The following GALNTL6 variants were observed in gnomAD, a reference collection of about 807,000 sequenced individuals.
GALNTL6 encodes the protein polypeptide N-acetylgalactosaminyltransferase-like 6.
Under a neutral mutation model 73.7 loss-of-function variants are expected in GALNTL6, and 46 were observed. The ratio of observed to expected loss-of-function variants is 0.62; its 90% CI spans 0.49 to 0.80. GALNTL6 has a LOEUF of 0.80. Among genes scored for constraint, GALNTL6 ranks in the 30% least tolerant of loss-of-function variants. The pLI is 0.00. For synonymous variants in GALNTL6, 259 were observed against 263.7 expected (o/e 0.98, Z 0.17); for missense variants, 604 against 755.0 (o/e 0.80, Z 2.34).
chr4:171,887,441 G>C (rs115053526), intron 2 of GALNTL6, among the ~76,000 whole-genome samples: 1,562 of 152,308 alleles, frequency 0.01, 31 homozygotes, highest in African/African-American at 0.035. Context: ...GCAGAGAGAA[G>C]TATAGAATAA....
At chr4:172,349,198 C>G (rs1191901684) in intron 5 of GALNTL6, among the ~76,000 whole-genome samples, 1 of 152,026 alleles carries the variant, frequency 6.6e-6, no homozygotes, top group Non-Finnish European at 1.5e-5. Context: ...TGAACAATAA[C>G]AGAAACAATC....
intron 10 of GALNTL6, among the ~76,000 whole-genome samples, chr4:172,990,566 G>GT (rs201454358): frequency 7.9e-4 from 115 of 146,016 alleles, no homozygotes; most frequent in Middle Eastern, 3.6e-3. Context: ...AGTCCTGAAA[G>GT]TTTTTTTTTT....
intron 2 of GALNTL6, among the ~76,000 whole-genome samples, chr4:171,910,771 T>C (rs900888640): frequency 6.6e-6 from 1 of 152,180 alleles, no homozygotes. Context: ...AACATTTAGA[T>C]AATATAATCA....
chr4:172,557,780 T>C (rs946701772), intron 5 of GALNTL6, among the ~76,000 whole-genome samples: 4 of 152,196 alleles, frequency 2.6e-5, no homozygotes, highest in African/African-American at 9.6e-5. Flanking sequence ...GGCAATTTCA[T>C]ACATTGCTGA....
intron 5 of GALNTL6, chr4:172,668,791 C>T (rs965898530): frequency 2.6e-5 from 4 of 152,100 alleles, no homozygotes; most frequent in African/African-American, 9.7e-5. Context: ...TCAAAGGGTT[C>T]ATCACATGGT....
intron 5 of GALNTL6, among the ~76,000 whole-genome samples, chr4:172,700,879 G>C (rs1733987992): frequency 6.6e-6 from 1 of 152,114 alleles, no homozygotes; most frequent in South Asian, 2.1e-4. Flanking sequence ...TCTATGGAAA[G>C]AGGAGGGCCA....
intron 2 of GALNTL6, among the ~76,000 whole-genome samples, chr4:172,103,720 T>C (rs751557864): frequency 1.8e-4 from 28 of 152,142 alleles, no homozygotes; most frequent in Admixed American, 6.5e-4. Flanking sequence ...AAAGAGGATA[T>C]CTGTGCTAGA....
chr4:172,452,658 G>A (rs948676606), intron 5 of GALNTL6, among the ~76,000 whole-genome samples: 39 of 152,218 alleles, frequency 2.6e-4, no homozygotes, highest in African/African-American at 9.1e-4. Context: ...AACTGAAATT[G>A]TGTCTTAAAT....
At chr4:172,677,137 T>TA (rs954516737) in intron 5 of GALNTL6, among the ~76,000 whole-genome samples, 17 of 151,206 alleles carry the variant, frequency 1.1e-4, no homozygotes, top group Middle Eastern at 3.2e-3. Flanking sequence ...CAGAAATAAC[T>TA]AAAAAAAAAT....
At chr4:172,713,230 G>GTGTT (rs1734830609) in intron 5 of GALNTL6, among the ~76,000 whole-genome samples, 1 of 62,736 alleles carries the variant, frequency 1.6e-5, no homozygotes. Context: ...AGATGTGTGT[G>GTGTT]TGTGTGTGTG....
At chr4:172,399,132 A>T (rs539104883) in intron 5 of GALNTL6, among the ~76,000 whole-genome samples, 1 of 152,322 alleles carries the variant, frequency 6.6e-6, no homozygotes, top group African/African-American at 2.4e-5. Flanking sequence ...TGTGAAGCAG[A>T]TACTGTTTCC....
intron 5 of GALNTL6, among the ~76,000 whole-genome samples, chr4:172,692,670 T>C (rs1733385543): frequency 6.6e-6 from 1 of 152,154 alleles, no homozygotes; most frequent in African/African-American, 2.4e-5. Context: ...TTATGGGAAG[T>C]AGGAAACCTA....
chr4:172,847,404 A>C (rs1743571646), intron 7 of GALNTL6, among the ~76,000 whole-genome samples: 1 of 152,110 alleles, frequency 6.6e-6, no homozygotes, highest in South Asian at 2.1e-4. Flanking sequence ...CAAAGTTAAG[A>C]CACGTGCACA....
intron 5 of GALNTL6, among the ~76,000 whole-genome samples, chr4:172,538,313 T>C (rs1285957872): frequency 1.3e-5 from 2 of 151,836 alleles, no homozygotes; most frequent in Non-Finnish European, 2.9e-5. Flanking sequence ...ACAAAAAAAT[T>C]AGCCAGGCGT....
At chr4:172,814,463 C>G (rs1741489085) in intron 7 of GALNTL6, among the ~76,000 whole-genome samples, 1 of 152,148 alleles carries the variant, frequency 6.6e-6, no homozygotes, top group African/African-American at 2.4e-5. Context: ...CTTTTTCCAA[C>G]AGTTAGCCCA....
chr4:172,382,911 C>T (rs903467684), intron 5 of GALNTL6, among the ~76,000 whole-genome samples: 3 of 151,880 alleles, frequency 2.0e-5, no homozygotes, highest in African/African-American at 7.2e-5. Flanking sequence ...GTTTTTTCCC[C>T]ATTAAATATT....
chr4:171,898,786 G>T (rs2110939030), intron 2 of GALNTL6, among the ~76,000 whole-genome samples: 1 of 152,036 alleles, frequency 6.6e-6, no homozygotes, highest in East Asian at 1.9e-4. Context: ...GATACTTTGT[G>T]TTCATAGTTA....
chr4:172,050,455 G>C (rs909334206), intron 2 of GALNTL6, among the ~76,000 whole-genome samples: 4 of 152,140 alleles, frequency 2.6e-5, no homozygotes, highest in Non-Finnish European at 5.9e-5. Flanking sequence ...GAGAAGCTTT[G>C]TTTAAAAATT....
At chr4:172,717,752 C>A (rs1045630307) in intron 5 of GALNTL6, among the ~76,000 whole-genome samples, 13 of 152,248 alleles carry the variant, frequency 8.5e-5, no homozygotes, top group Admixed American at 7.8e-4. Context: ...TAAATGGTAT[C>A]CTGGTGACTT....
Sources: gnomAD v4.1 joint callset for allele counts (sites outside exome capture counted in the v4.1 genomes callset) on GRCh38, gnomAD v4.1.1 for gene constraint, MANE v1.5 for transcripts, NCBI Gene and HGNC (gene_info 2026-07-23, HGNC 2026-07-21) for gene names.